BOC: variants seen among roughly 807,000 people sequenced by gnomAD.
The protein encoded by BOC is brother of CDO.
BOC carries 76 observed loss-of-function variants against 112.0 expected under a neutral mutation model. The ratio of observed to expected loss-of-function variants is 0.68; its 90% CI spans 0.56 to 0.82. The LOEUF (loss-of-function observed/expected upper bound fraction) is 0.82, where lower values mean the gene tolerates loss of function less well. Among genes scored for constraint, BOC ranks in the 40% least tolerant of loss-of-function variants. The probability of loss-of-function intolerance (pLI) is 0.00; values close to 1 mark genes in which losing one functional copy is unlikely to be tolerated. For missense variants in BOC, 1,309 were observed against 1,511.7 expected, an observed-to-expected ratio of 0.87 and a Z score of 2.22; for synonymous variants, 580 against 599.8, an observed-to-expected ratio of 0.97 and a Z score of 0.48.
chr3:113,222,216 C>T (rs1447749324), intron 2 of BOC, among the ~76,000 whole-genome samples: 1 of 152,130 alleles, frequency 6.6e-6, no homozygotes, highest in Non-Finnish European at 1.5e-5. Flanking sequence ...GAATCAGGGA[C>T]TTTGTTTTCT....
intron 2 of BOC, among the ~76,000 whole-genome samples, chr3:113,240,951 G>A (rs1254816074): frequency 6.6e-6 from 1 of 152,184 alleles, no homozygotes; most frequent in African/African-American, 2.4e-5. Flanking sequence ...GCTTGGCTGT[G>A]GCAGACCACA....
rs140427394 is a variant in BOC at position 113,283,414 on chromosome 3, G to A, written c.2438G>A (p.Arg813Gln). The change falls in exon 16 of 20, where the codon CGG becomes CAG. Residue 813 changes from arginine to glutamine, a missense_variant. Physicochemically the swap from Arg to Gln is conservative, Grantham distance 43. Transcript: ENST00000682979. Reference sequence around the variant, plus strand: ...TGAGTTTTGTCCACAATTACAGCTCGGAAGTCTTCTGGCCAGCCTGGTCGA... The same window carrying A: ...TGAGTTTTGTCCACAATTACAGCTCAGAAGTCTTCTGGCCAGCCTGGTCGA... ...SNVMICETKA[R>Q]KSSGQPGRLP... is the part of the protein sequence containing the mutation. 3.2e-4 allele frequency: 514 copies of A among 1,595,600 alleles called. No homozygotes were observed. In the African/African-American group the frequency reaches 3.4e-3, roughly 11 times the overall value.
chr3:113,265,690 T>C (rs1947403131), intron 4 of BOC, among the ~76,000 whole-genome samples: 1 of 152,242 alleles, frequency 6.6e-6, no homozygotes, highest in African/African-American at 2.4e-5. Flanking sequence ...ACTCATTAGC[T>C]ATCTTGGCTG....
chr3:113,270,233 G>A (rs1185666415), intron 5 of BOC: 1 of 147,006 alleles, frequency 6.8e-6, no homozygotes, highest in Non-Finnish European at 1.5e-5. Context: ...ATTTGGGAAG[G>A]GAGAATGATG....
chr3:113,282,516 T>TA (rs912100620), intron 15 of BOC, among the ~76,000 whole-genome samples: 4 of 152,130 alleles, frequency 2.6e-5, no homozygotes, highest in African/African-American at 9.7e-5. Flanking sequence ...AGGAACAAGG[T>TA]AAAACCACTT....
chr3:113,286,869 G>A lies in BOC; in HGVS notation c.*7G>A. 6.4e-7 allele frequency: 1 copy of A among 1,562,862 alleles called. No individual in the cohort carries two copies. The highest frequency in any genetic ancestry group is 8.6e-7 in the Non-Finnish European group (1 of 1,159,104). On this transcript the variant is annotated 3_prime_UTR_variant, in exon 20 of 20. Transcript: ENST00000682979. ...ACCACCTCTCACAATTTAGGCAGAA[G>A]CTGATATCCCAGAAAGACTATATAT... is the stretch of plus-strand genomic sequence containing the variant.
At position 113,273,319 on chromosome 3, in the gene BOC, C is replaced by T; in HGVS notation, c.1212C>T (p.Val404=). ...AGGTTGGGAGCGCCCATGCCGTAGT[C>T]CAGCTGCGGACCTCCAGGCCAAGTG... ...ENEVGSAHAV[V]QLRTSRPSIT... Residue 404 remains valine (V), a synonymous_variant, in exon 8 of 20, where the codon GTC becomes GTT. Coordinates refer to ENST00000682979, the MANE Select transcript of BOC (RefSeq NM_001378074.1). 6.3e-7 allele frequency: 1 copy of T among 1,594,384 alleles called. No homozygotes were observed. The highest frequency in any genetic ancestry group is 8.6e-7 in the Non-Finnish European group (1 of 1,164,518).
intron 7 of BOC, 131 bp from the exon 8 acceptor site, chr3:113,272,938 C>G (rs1267442727): frequency 1.6e-6 from 2 of 1,235,242 alleles, no homozygotes; most frequent in South Asian, 2.9e-5. Flanking sequence ...CTCCTTCCCT[C>G]TACTCTGCCC....
In BOC at chr3:113,212,313, C is replaced by G. The variant is rs1291315578; in HGVS notation, c.-170+297C>G. ...GCCCAGGGGCGCCGCATCTCGTTCC[C>G]TGCCGCAGCGGTCTGGCCGGGCGAT... On this transcript the variant is annotated intron_variant, in intron 1 of 19. Coordinates refer to ENST00000682979, the MANE Select transcript of BOC (RefSeq NM_001378074.1). 2.0e-5 allele frequency: 3 copies of G among 152,134 alleles called. No individual in the cohort carries two copies. In the East Asian group the frequency reaches 5.8e-4, roughly 29 times the overall value. The allele number at this position is 152,134 out of a possible 1,614,324, so 9.4% of individuals were successfully genotyped here. A position where few individuals can be genotyped will look rare whatever the true frequency, so the allele number is the denominator to read the frequency against.
chr3:113,265,794 AGAT>A (rs1481893865), intron 4 of BOC, among the ~76,000 whole-genome samples: 1 of 152,260 alleles, frequency 6.6e-6, no homozygotes, highest in Admixed American at 6.5e-5. Context: ...AAGAATTTTC[AGAT>A]GATGAAAGCA....
chr3:113,273,447 C>A, intron 8 of BOC, 106 bp downstream of exon 8: 1 of 1,273,646 alleles, frequency 7.9e-7, no homozygotes, highest in Non-Finnish European at 1.0e-6. Flanking sequence ...AAAAAAGTAG[C>A]TTTTAGTTGT....
At chr3:113,244,788 A>G (rs1384036235) in intron 2 of BOC, among the ~76,000 whole-genome samples, 1 of 152,248 alleles carries the variant, frequency 6.6e-6, no homozygotes, top group Non-Finnish European at 1.5e-5. Context: ...ACAGAAAGTT[A>G]CTGTTATAGA....
chr3:113,265,073 A>G (rs1347026670), intron 4 of BOC, among the ~76,000 whole-genome samples: 3 of 152,214 alleles, frequency 2.0e-5, no homozygotes, highest in Non-Finnish European at 2.9e-5. Context: ...CCAACTGAGC[A>G]GCTGTCAGAG....
chr3:113,230,406 G>C (rs1281778746), intron 2 of BOC, among the ~76,000 whole-genome samples: 1 of 152,124 alleles, frequency 6.6e-6, no homozygotes, highest in Non-Finnish European at 1.5e-5. Flanking sequence ...TTCCTTTGTT[G>C]AAAACAGTTT....
At chr3:113,222,222 T>C (rs920192570) in intron 2 of BOC, among the ~76,000 whole-genome samples, 5 of 152,226 alleles carry the variant, frequency 3.3e-5, no homozygotes, top group African/African-American at 4.8e-5. Context: ...GGGACTTTGT[T>C]TTCTTCCTCA....
Position 113,225,387 on chromosome 3 carries a change from A to G in BOC, c.-82+9113A>G, listed in dbSNP as rs941671978. Among the ~76,000 whole-genome samples, 12 of 152,338 alleles carry G rather than the reference A, an allele frequency of 7.9e-5. No individual in the cohort carries two copies. The South Asian group carries it at 1.2e-3, about 16-fold the overall frequency. On this transcript the variant is annotated intron_variant, in intron 2 of 19. Coordinates refer to ENST00000682979, the MANE Select transcript of BOC (RefSeq NM_001378074.1). ...CTGGCCAGGTATTTCAGAGTTCTGT[A>G]CAAAGGAGGAATGAGACTCACAGCA...
rs114389270 is a variant in BOC at position 113,263,535 on chromosome 3, A to C, written c.377-4764A>C. On this transcript the variant is annotated intron_variant, in intron 4 of 19. Coordinates refer to ENST00000682979, the MANE Select transcript of BOC (RefSeq NM_001378074.1). ...GGAGAATGCAGGAGAAGATTGAATG[A>C]ATAACTCCCTTGGAAGTGATTGATA... 3.1e-3 allele frequency among the ~76,000 whole-genome samples: 468 copies of C among 152,340 alleles called. 3 individuals carry two copies. Among genetic ancestry groups the C allele is most frequent in the African/African-American group, 0.011 (449 of 41,588 alleles).
Position 113,279,914 on chromosome 3 carries a change from AC to A in BOC, c.2115del (p.Tyr705Ter). 1 of 1,614,028 alleles carries A rather than the reference AC, an allele frequency of 6.2e-7. No individual in the cohort carries two copies. The highest frequency in any genetic ancestry group is 8.5e-7 in the Non-Finnish European group (1 of 1,180,000). ...APSRPYVVSG[Y>X]SGRVYERPVA... Reference sequence around the variant, plus strand: ...TCTCGGCCCTACGTGGTGTCGGGCTACAGCGGTCGCGTGTACGAGAGGCCCG... The same window carrying A: ...TCTCGGCCCTACGTGGTGTCGGGCTAAGCGGTCGCGTGTACGAGAGGCCCG... On this transcript the variant is annotated frameshift_variant, in exon 13 of 20. Coordinates refer to ENST00000682979, the MANE Select transcript of BOC (RefSeq NM_001378074.1). LOFTEE classifies it high-confidence loss of function.
At chr3:113,283,741 C>G (rs1949407739) in intron 16 of BOC, 109 bp downstream of exon 16, 1 of 1,075,850 alleles carries the variant, frequency 9.3e-7, no homozygotes, top group Non-Finnish European at 1.3e-6. Context: ...CCCAAGTCCC[C>G]CAAAGGTCTC....
Sources: allele counts gnomAD v4.1 joint callset (sites outside exome capture counted in the v4.1 genomes callset), GRCh38; gene constraint gnomAD v4.1.1; transcripts MANE v1.5; gene names NCBI Gene and HGNC (gene_info 2026-07-23, HGNC 2026-07-21).